WLS: variants seen among roughly 807,000 people sequenced by gnomAD.
The protein encoded by WLS is Wnt ligand secretion mediator.
Under a neutral mutation model 62.8 loss-of-function variants are expected in WLS, and 23 were observed. That is an observed-to-expected ratio of 0.37 (90% confidence interval 0.26 to 0.52). The LOEUF (loss-of-function observed/expected upper bound fraction) is 0.52. WLS is among the 20% of genes least tolerant of loss of function. The pLI, the probability that WLS is intolerant of heterozygous loss-of-function variation, is 0.92. For synonymous variants in WLS, 246 were observed against 244.1 expected, an observed-to-expected ratio of 1.01 and a Z score of -0.07; for missense variants, 615 against 697.3, an observed-to-expected ratio of 0.88 and a Z score of 1.33.
At chr1:68,205,334 CCA>C (rs1368431783) in intron 1 of WLS, among the ~76,000 whole-genome samples, 1 of 152,146 alleles carries the variant, frequency 6.6e-6, no homozygotes, top group African/African-American at 2.4e-5. Context: ...ATAACCCAAT[CCA>C]CACAAGTAAT....
intron 11 of WLS, among the ~76,000 whole-genome samples, chr1:68,116,145 A>G (rs1646288748): frequency 6.6e-6 from 1 of 152,214 alleles, no homozygotes; most frequent in African/African-American, 2.4e-5. Context: ...CAGGGTTCAC[A>G]GGACCTTACA....
intron 1 of WLS, among the ~76,000 whole-genome samples, chr1:68,194,878 C>T (rs1390827818): frequency 6.6e-6 from 1 of 152,194 alleles, no homozygotes; most frequent in Non-Finnish European, 1.5e-5. Flanking sequence ...CACTTCAAGA[C>T]AGCAAAGCAA....
At chr1:68,212,548 G>A (rs973645545) in intron 1 of WLS, among the ~76,000 whole-genome samples, 6 of 152,034 alleles carry the variant, frequency 3.9e-5, no homozygotes, top group African/African-American at 9.7e-5. Context: ...CTACCAGATC[G>A]GGAGTTGACA....
At chr1:68,166,232 C>T (rs191992965) in intron 2 of WLS, among the ~76,000 whole-genome samples, 66 of 152,206 alleles carry the variant, frequency 4.3e-4, no homozygotes, top group Admixed American at 3.0e-3. Flanking sequence ...TCTTAAGGAA[C>T]TTGTATAAAG....
At chr1:68,127,072 G>T (rs1646442695) in intron 11 of WLS, 2 of 401,532 alleles carry the variant, frequency 5.0e-6, no homozygotes, top group Admixed American at 5.9e-5. Flanking sequence ...ACTCACACTT[G>T]TAACCTCAGC....
Position 68,194,202 on chromosome 1 carries a change from G to A in WLS, c.132C>T (p.Ser44=). ...LIAPGPTTAV[S]YMSVKCVDAR... The stretch of plus-strand genomic sequence containing the variant: ...CATCCACACATTTCACCGACATGTA[G>A]GACACTGCCGTTGTGGGCCCTGGAG... Residue 44 remains serine, a synonymous_variant, in exon 2 of 12, where the codon TCC becomes TCT. Transcript: ENST00000262348. The A allele has an allele frequency of 2.5e-6, 4 of 1,614,170 alleles. No individual in the cohort carries two copies. The highest frequency in any genetic ancestry group is 3.4e-6 in the Non-Finnish European group (4 of 1,180,030).
chr1:68,174,709 C>T (rs376619479), intron 2 of WLS, among the ~76,000 whole-genome samples: 3 of 152,152 alleles, frequency 2.0e-5, no homozygotes, highest in Non-Finnish European at 2.9e-5. Flanking sequence ...TCTTTCCTTT[C>T]GGGTCACGCT....
At position 68,232,520 on chromosome 1, in the gene WLS, T is replaced by C. The variant is rs1023081129; in HGVS notation, c.-221A>G. ...GTTCCCCCAATGCCCGGAGCTGTGA[T>C]TGTGGCCGCTCCGCCGCCTGTGGAC... On this transcript the variant is annotated 5_prime_UTR_variant, in exon 1 of 12. Transcript: ENST00000262348. 1.2e-5 allele frequency: 11 copies of C among 881,904 alleles called. No homozygotes were observed. In the African/African-American group the frequency reaches 1.7e-4, roughly 14 times the overall value. The allele number at this position is 881,904 out of a possible 1,614,324, so 54.6% of individuals were successfully genotyped here. A position where few individuals can be genotyped will look rare whatever the true frequency, so the allele number is the denominator to read the frequency against.
chr1:68,132,726 G>T (rs1490897228), intron 11 of WLS, among the ~76,000 whole-genome samples: 1 of 152,134 alleles, frequency 6.6e-6, no homozygotes, highest in Non-Finnish European at 1.5e-5. Context: ...TGGGAATTCT[G>T]TGTCTCACTT....
intron 2 of WLS, chr1:68,162,321 G>A (rs944479606): frequency 6.2e-7 from 1 of 1,613,574 alleles, no homozygotes; most frequent in South Asian, 1.1e-5. Context: ...TCTGCTTTAT[G>A]GTAAAGTCAT....
At chr1:68,134,886 C>G (rs563450770) in intron 11 of WLS, among the ~76,000 whole-genome samples, 1 of 152,142 alleles carries the variant, frequency 6.6e-6, no homozygotes, top group Non-Finnish European at 1.5e-5. Context: ...TGGGAGCTGC[C>G]TAATATATGG....
chr1:68,153,240 C>G (rs534092148), intron 5 of WLS, among the ~76,000 whole-genome samples: 2 of 152,128 alleles, frequency 1.3e-5, no homozygotes, highest in Non-Finnish European at 2.9e-5. Context: ...CAGCACTGCA[C>G]TCCAGCCTGG....
In WLS at chr1:68,159,874, T is replaced by G. The variant is rs1300209891; in HGVS notation, c.380-627A>C. On this transcript the variant is annotated intron_variant, in intron 2 of 11. Coordinates refer to ENST00000262348, the MANE Select transcript of WLS (RefSeq NM_024911.7). ...AAAAGGCAAAGTGTTTTTCCAAAATTAAAGACTTATACACAGATAGGAATA... is the reference window on the plus strand; with the variant it reads ...AAAAGGCAAAGTGTTTTTCCAAAATGAAAGACTTATACACAGATAGGAATA... 2.6e-5 allele frequency among the ~76,000 whole-genome samples: 4 copies of G among 152,154 alleles called. No homozygotes were observed. The East Asian group carries it at 7.7e-4, about 29-fold the overall frequency.
At chr1:68,226,998 G>A (rs1235226993) in intron 1 of WLS, among the ~76,000 whole-genome samples, 1 of 152,130 alleles carries the variant, frequency 6.6e-6, no homozygotes, top group Non-Finnish European at 1.5e-5. Flanking sequence ...ACCTCACAAA[G>A]CCACACATAA....
At chr1:68,164,057 T>A (rs1419452064) in intron 2 of WLS, among the ~76,000 whole-genome samples, 1 of 152,204 alleles carries the variant, frequency 6.6e-6, no homozygotes, top group African/African-American at 2.4e-5. Flanking sequence ...GCCATTCTGA[T>A]ATAGAGGAAA....
chr1:68,230,049 C>T (rs1307871976), intron 1 of WLS, among the ~76,000 whole-genome samples: 1 of 152,144 alleles, frequency 6.6e-6, no homozygotes, highest in Non-Finnish European at 1.5e-5. Flanking sequence ...TGTTCTGACC[C>T]TATAGTCGCT....
At chr1:68,103,082 C>T (rs1646099689) in intron 11 of WLS, among the ~76,000 whole-genome samples, 1 of 152,196 alleles carries the variant, frequency 6.6e-6, no homozygotes, top group Non-Finnish European at 1.5e-5. Flanking sequence ...AGGTCTGCTG[C>T]CTCCCTGCCT....
chr1:68,138,217 A>C lies in WLS; in HGVS notation c.1363-284T>G, dbSNP rs183526523. The C allele has an allele frequency of 1.6e-4, 59 of 380,340 alleles. No individual in the cohort carries two copies. In the East Asian group the frequency reaches 2.8e-3, roughly 18 times the overall value. The allele number at this position is 380,340 out of a possible 1,614,324, so 23.6% of individuals were successfully genotyped here. On this transcript the variant is annotated intron_variant, in intron 10 of 11. Coordinates refer to ENST00000262348, the MANE Select transcript of WLS (RefSeq NM_024911.7). ...TTCCTAAAAACAGCAATTCATTGCT[A>C]TCCCTAAGTTAAACAAACTGTGTTT...
rs33982774 is a variant in WLS at position 68,118,875 on chromosome 1, CAAAAA to C, written c.1510+18900_1510+18904del. On this transcript the variant is annotated intron_variant, in intron 11 of 11. Coordinates refer to the WLS transcript ENST00000354777. ...CTGGGTGACGAGCAAGACTCTGTCT[CAAAAA>C]AAAAAAAAAAAAAAAAAAAAAAGCA... Among the ~76,000 whole-genome samples the C allele has an allele frequency of 3.8e-4, 10 of 26,390 alleles. No homozygotes were observed. In the East Asian group the frequency reaches 0.011, roughly 28 times the overall value. The allele number at this position is 26,390 out of a possible 152,430, so 17.3% of individuals were successfully genotyped here.
Sources: gnomAD v4.1 joint callset for allele counts (sites outside exome capture counted in the v4.1 genomes callset) on GRCh38, gnomAD v4.1.1 for gene constraint, MANE v1.5 for transcripts, NCBI Gene and HGNC (gene_info 2026-07-23, HGNC 2026-07-21) for gene names.